Variants in METTL22 observed in about 807,000 individuals in gnomAD.
METTL22 encodes methyltransferase 22, Kin17 lysine.
In METTL22, 51 loss-of-function variants were observed where a neutral mutation model predicts 48.4. That is an observed-to-expected ratio of 1.05 (90% CI 0.84 to 1.33). The LOEUF (loss-of-function observed/expected upper bound fraction) is 1.33, where lower values mean the gene tolerates loss of function less well. Among genes scored for constraint, METTL22 ranks in the 40% most tolerant of loss-of-function variants. The pLI is 0.00. For synonymous variants in METTL22, 255 were observed against 214.1 expected (o/e 1.19, Z -1.67); for missense variants, 678 against 526.9 (o/e 1.29, Z -2.81).
intron 3 of METTL22, among the ~76,000 whole-genome samples, chr16:8,629,881 G>T (rs189570935): frequency 2.0e-5 from 3 of 152,096 alleles, no homozygotes; most frequent in Non-Finnish European, 4.4e-5. Context: ...CACTAGTATC[G>T]AGTGGCCTAG....
chr16:8,640,188 T>A (rs2056553137), intron 6 of METTL22, among the ~76,000 whole-genome samples: 1 of 152,178 alleles, frequency 6.6e-6, no homozygotes, highest in Admixed American at 6.5e-5. Flanking sequence ...TGTCACAATG[T>A]TTGTTGAGTG....
chr16:8,624,937 T>C (rs189322954), intron 1 of METTL22, among the ~76,000 whole-genome samples: 106 of 152,134 alleles, frequency 7.0e-4, no homozygotes, highest in African/African-American at 2.5e-3. Context: ...GGACAGTTGA[T>C]AACAGCTTCT....
chr16:8,626,574 G>A (rs1382797415), intron 2 of METTL22, among the ~76,000 whole-genome samples: 61 of 134,640 alleles, frequency 4.5e-4, no homozygotes, highest in Admixed American at 2.4e-3. Context: ...TCAGCCTCCC[G>A]AGTAGCTGGG....
the METTL22 span, among the ~76,000 whole-genome samples, chr16:8,664,748 A>C: frequency 2.0e-5 from 3 of 152,164 alleles, no homozygotes; most frequent in African/African-American, 7.2e-5. Flanking sequence ...GGCATGAGCC[A>C]CCACGTCTAG....
rs1047213038 is a variant in METTL22, at chr16:8,635,185, G to T, written c.573G>T (p.Leu191=). The change falls in exon 5 of 11, where the codon CTG becomes CTT. Residue 191 remains leucine (L), a synonymous_variant. Coordinates refer to ENST00000381920, the MANE Select transcript of METTL22 (RefSeq NM_024109.4). ...CCCTCCAGGTGTGGCGGGGCGCCCT[G>T]CTCCTGGCAGACTACATCCTGTTCC... ...DVGKQVWRGA[L]LLADYILFRQ... is the part of the protein sequence containing the mutation. 6.2e-7 allele frequency: 1 copy of T among 1,610,464 alleles called. No individual in the cohort carries two copies. Among genetic ancestry groups the T allele is most frequent in the South Asian group, 1.1e-5 (1 of 90,680 alleles).
chr16:8,637,007 C>T (rs2056444003), intron 5 of METTL22, among the ~76,000 whole-genome samples: 3 of 152,244 alleles, frequency 2.0e-5, no homozygotes, highest in African/African-American at 7.2e-5. Context: ...GTGAAGTTAA[C>T]TAAACTCCTA....
chr16:8,642,753 G>C (rs2056663511), intron 9 of METTL22, 188 bp downstream of exon 9: 1 of 638,356 alleles, frequency 1.6e-6, no homozygotes, highest in African/African-American at 1.8e-5. Flanking sequence ...CTAGCCCTGT[G>C]TGCAGGCGCT....
the METTL22 span, among the ~76,000 whole-genome samples, chr16:8,662,823 G>T: frequency 6.9e-6 from 1 of 144,382 alleles, no homozygotes; most frequent in African/African-American, 2.6e-5. Flanking sequence ...TGTAAAATGC[G>T]CACACTACTA....
chr16:8,630,547 G>A (rs1596339606), intron 3 of METTL22, among the ~76,000 whole-genome samples: 1 of 152,112 alleles, frequency 6.6e-6, no homozygotes, highest in African/African-American at 2.4e-5. Context: ...GGGGGCCGAC[G>A]ATGGCTCATT....
downstream of METTL22, among the ~76,000 whole-genome samples, chr16:8,650,658 G>C (rs1026119354): frequency 3.3e-5 from 5 of 152,112 alleles, no homozygotes; most frequent in Non-Finnish European, 5.9e-5. Flanking sequence ...AAATACCCTG[G>C]CTTGATAATT....
Position 8,649,333 on chromosome 16 carries a change from T to A in METTL22, c.*3190T>A. The A allele has an allele frequency of 6.6e-6, 1 of 152,214 alleles. No homozygotes were observed. The highest frequency in any genetic ancestry group is 2.4e-5 in the African/African-American group (1 of 41,442). 9.4% of individuals were successfully genotyped at this position (152,214 alleles called of 1,614,324 possible). Reference sequence around the variant, plus strand: ...ATGGCCTTGTTTGAGCCTCTACAAGTGCTTGTTTGGCAGCGATATTCAGAA... The same window carrying A: ...ATGGCCTTGTTTGAGCCTCTACAAGAGCTTGTTTGGCAGCGATATTCAGAA... On this transcript the variant is annotated 3_prime_UTR_variant, in exon 11 of 11. Transcript: ENST00000381920.
chr16:8,661,212 A>G, the METTL22 span, among the ~76,000 whole-genome samples: 3 of 125,218 alleles, frequency 2.4e-5, no homozygotes, highest in African/African-American at 7.8e-5. Flanking sequence ...CCTGGCAGCC[A>G]TGCCAACGTG....
chr16:8,633,523 T>G (rs1169044517), intron 3 of METTL22, among the ~76,000 whole-genome samples: 1 of 152,194 alleles, frequency 6.6e-6, no homozygotes, highest in Non-Finnish European at 1.5e-5. Context: ...GCAGGGTCAC[T>G]TGAGCCTGGG....
chr16:8,652,844 G>A (rs1274310656), downstream of METTL22, among the ~76,000 whole-genome samples: 4 of 152,084 alleles, frequency 2.6e-5, 1 homozygote, highest in South Asian at 4.2e-4. Flanking sequence ...CTTGGCTGTC[G>A]GCTGCAGCAG....
chr16:8,630,815 C>T (rs953371533), intron 3 of METTL22, among the ~76,000 whole-genome samples: 5 of 152,168 alleles, frequency 3.3e-5, no homozygotes, highest in African/African-American at 1.2e-4. Flanking sequence ...CACTACCTGC[C>T]CTGACGGAGG....
At chr16:8,631,455 C>A (rs770229469) in intron 3 of METTL22, 2 of 152,184 alleles carry the variant, frequency 1.3e-5, no homozygotes, top group Non-Finnish European at 2.9e-5. Flanking sequence ...CTTAGCCTCT[C>A]TGAGTTCAGT....
At chr16:8,660,819 A>G in the METTL22 span, among the ~76,000 whole-genome samples, 7 of 2,392 alleles carry the variant, frequency 2.9e-3, no homozygotes, top group Admixed American at 6.8e-3. Context: ...GAGGAGGAGG[A>G]GGAGGAGGAG....
At position 8,641,738 on chromosome 16, in the gene METTL22, C is replaced by T. The variant is rs977215419; in HGVS notation, c.827-389C>T. On this transcript the variant is annotated intron_variant, in intron 7 of 10. Transcript: ENST00000381920. The stretch of plus-strand genomic sequence containing the variant: ...CTTTGCGCACCGTAGGCCCTTCGGC[C>T]CTCCCAATAGTCCTGTGAGGAAGTA... 8 of 398,648 alleles carry T rather than the reference C, an allele frequency of 2.0e-5. No individual in the cohort carries two copies. In the East Asian group the frequency reaches 4.1e-4, roughly 21 times the overall value. 24.7% of individuals were successfully genotyped at this position (398,648 alleles called of 1,614,324 possible).
chr16:8,634,340 G>T (rs1025852342), intron 3 of METTL22, among the ~76,000 whole-genome samples: 1 of 152,096 alleles, frequency 6.6e-6, no homozygotes, highest in African/African-American at 2.4e-5. Context: ...TTCCCTCCTC[G>T]GGAGCTCTTA....
Sources: gnomAD v4.1 joint callset for allele counts (sites outside exome capture counted in the v4.1 genomes callset) on GRCh38, gnomAD v4.1.1 for gene constraint, MANE v1.5 for transcripts, NCBI Gene and HGNC (gene_info 2026-07-23, HGNC 2026-07-21) for gene names.